Variants in SLCO1B1 observed in about 807,000 individuals in gnomAD.
SLCO1B1 encodes OATP-2.
A neutral mutation model predicts 70.1 loss-of-function variants in SLCO1B1; 81 were observed. The observed-to-expected ratio is 1.16, with a 90% CI of 0.97 to 1.39. SLCO1B1 has a LOEUF of 1.39. Among genes scored for constraint, SLCO1B1 ranks in the 40% most tolerant of loss-of-function variants. The pLI is 0.00. For synonymous variants in SLCO1B1, 283 were observed against 271.5 expected, an observed-to-expected ratio of 1.04 and a Z score of -0.42; for missense variants, 895 against 799.6, an observed-to-expected ratio of 1.12 and a Z score of -1.44.
At chr12:21,226,399 G>A (rs1941482612) in intron 14 of SLCO1B1, among the ~76,000 whole-genome samples, 1 of 151,188 alleles carries the variant, frequency 6.6e-6, no homozygotes, top group Non-Finnish European at 1.5e-5. Context: ...GGCTGACAGA[G>A]CGAGACTCTG....
At chr12:21,206,475 T>A (rs1224260107) in intron 11 of SLCO1B1, among the ~76,000 whole-genome samples, 1 of 151,926 alleles carries the variant, frequency 6.6e-6, no homozygotes, top group African/African-American at 2.4e-5. Context: ...ATATACAGAT[T>A]CTGATCTGTT....
Position 21,217,276 on chromosome 12 carries a change from G to A in SLCO1B1, c.1655G>A (p.Gly552Asp), listed in dbSNP as rs747091904. ...AATTTATTTTTCTCTGCACTTGGAG[G>A]CACCTCACATGTCATGCTGATTGTT... is the stretch of plus-strand genomic sequence containing the variant. ...VLNLFFSALG[G>D]TSHVMLIVKI... The change falls in exon 12 of 15, where the codon GGC becomes GAC. Residue 552 changes from glycine (G) to aspartate (D), a missense_variant. By Grantham distance (94) the Gly-to-Asp change is moderately conservative. Coordinates refer to ENST00000256958, the MANE Select transcript of SLCO1B1 (RefSeq NM_006446.5). 1.9e-6 allele frequency: 3 copies of A among 1,613,632 alleles called. No homozygotes were observed. Among genetic ancestry groups the A allele is most frequent in the Non-Finnish European group, 2.5e-6 (3 of 1,179,708 alleles).
intron 7 of SLCO1B1, among the ~76,000 whole-genome samples, chr12:21,180,635 C>T (rs1378481192): frequency 6.6e-6 from 1 of 152,142 alleles, no homozygotes; most frequent in Admixed American, 6.5e-5. Context: ...GGGCCAGCAA[C>T]AGCCAAAAAC....
At chr12:21,142,856 A>AG (rs1940330678) in intron 2 of SLCO1B1, among the ~76,000 whole-genome samples, 2 of 152,096 alleles carry the variant, frequency 1.3e-5, no homozygotes, top group African/African-American at 4.8e-5. Flanking sequence ...TTCCAGAGTG[A>AG]TCCCTTATAG....
chr12:21,136,875 G>A (rs564149389), intron 1 of SLCO1B1, among the ~76,000 whole-genome samples: 1 of 152,194 alleles, frequency 6.6e-6, no homozygotes. Flanking sequence ...TGCTGGTGAG[G>A]AGCTGCATTC....
At chr12:21,229,391 T>C (rs2121200677) in intron 14 of SLCO1B1, among the ~76,000 whole-genome samples, 1 of 152,322 alleles carries the variant, frequency 6.6e-6, no homozygotes, top group South Asian at 2.1e-4. Flanking sequence ...GCTCTGCCTA[T>C]TCATTCCTTC....
chr12:21,235,196 G>C (rs1941584567), intron 14 of SLCO1B1, among the ~76,000 whole-genome samples: 1 of 150,536 alleles, frequency 6.6e-6, no homozygotes, highest in East Asian at 2.0e-4. Context: ...GCTTAGGTCT[G>C]GTAGTATTTA....
At chr12:21,164,765 A>G (rs1940664219) in intron 2 of SLCO1B1, 1 of 461,928 alleles carries the variant, frequency 2.2e-6, no homozygotes, top group Non-Finnish European at 4.4e-6. Flanking sequence ...TCTATAATCA[A>G]CTGAAGACTT....
chr12:21,228,111 G>A lies in SLCO1B1; in HGVS notation c.1865+3272G>A, dbSNP rs528844431. Among the ~76,000 whole-genome samples, 389 of 151,950 alleles carry A rather than the reference G, an allele frequency of 2.6e-3. 1 individual carries two copies. Among genetic ancestry groups the A allele is most frequent in the African/African-American group, 8.7e-3 (362 of 41,486 alleles). On this transcript the variant is annotated intron_variant, in intron 14 of 14. Coordinates refer to ENST00000256958, the MANE Select transcript of SLCO1B1 (RefSeq NM_006446.5). ...CCAAGACTTTAAGATTTAAAGGGTC[G>A]GTCTTTGTACATCCCCACATATTTA...
intron 14 of SLCO1B1, among the ~76,000 whole-genome samples, chr12:21,232,421 C>T (rs7969160): frequency 1.3e-5 from 2 of 151,872 alleles, no homozygotes; most frequent in South Asian, 4.1e-4. Flanking sequence ...CAAGCTCCCA[C>T]GGACATAAAA....
intron 2 of SLCO1B1, among the ~76,000 whole-genome samples, chr12:21,142,066 C>CT (rs578052101): frequency 0.04 from 1,775 of 44,364 alleles, 13 homozygotes; most frequent in Non-Finnish European, 0.092. Flanking sequence ...TTTAAAAATT[C>CT]TTTTAAAAAA....
At chr12:21,191,638 T>C (rs1314041963) in intron 7 of SLCO1B1, among the ~76,000 whole-genome samples, 2 of 152,104 alleles carry the variant, frequency 1.3e-5, no homozygotes, top group Admixed American at 1.3e-4. Flanking sequence ...TTTTTCTTGG[T>C]TAATTGCTCT....
At chr12:21,219,847 C>T (rs371677357) in intron 12 of SLCO1B1, among the ~76,000 whole-genome samples, 3,119 of 151,594 alleles carry the variant, frequency 0.021, 102 homozygotes, top group African/African-American at 0.071. Flanking sequence ...TGCAACCCTC[C>T]GCCTCCCAGG....
chr12:21,179,486 G>A (rs1357314052), intron 7 of SLCO1B1, among the ~76,000 whole-genome samples: 1 of 152,156 alleles, frequency 6.6e-6, no homozygotes. Flanking sequence ...CAGAGGGCTT[G>A]GCGTATGGCA....
intron 1 of SLCO1B1, among the ~76,000 whole-genome samples, chr12:21,137,928 C>T (rs544886697): frequency 6.6e-6 from 1 of 152,312 alleles, no homozygotes; most frequent in African/African-American, 2.4e-5. Flanking sequence ...TTCTGTGTTG[C>T]TCATGCTGGG....
intron 12 of SLCO1B1, among the ~76,000 whole-genome samples, chr12:21,221,973 T>G (rs1941427898): frequency 6.6e-6 from 1 of 152,010 alleles, no homozygotes; most frequent in Non-Finnish European, 1.5e-5. Flanking sequence ...ATTATAACAC[T>G]GACTAGACCA....
At chr12:21,142,772 A>T (rs1347952366) in intron 2 of SLCO1B1, among the ~76,000 whole-genome samples, 1 of 152,104 alleles carries the variant, frequency 6.6e-6, no homozygotes, top group Non-Finnish European at 1.5e-5. Context: ...TTTATTTTTA[A>T]ATACTGAGTG....
At chr12:21,188,817 C>T (rs1309169139) in intron 7 of SLCO1B1, among the ~76,000 whole-genome samples, 1 of 152,164 alleles carries the variant, frequency 6.6e-6, no homozygotes, top group Non-Finnish European at 1.5e-5. Context: ...CTACTCTTTG[C>T]TTCTGTGAGT....
At chr12:21,233,047 A>C (rs907938864) in intron 14 of SLCO1B1, among the ~76,000 whole-genome samples, 1 of 152,150 alleles carries the variant, frequency 6.6e-6, no homozygotes, top group Admixed American at 6.5e-5. Context: ...CAAAATACAC[A>C]TAACAAAACA....
Sources: allele counts gnomAD v4.1 joint callset (sites outside exome capture counted in the v4.1 genomes callset), GRCh38; gene constraint gnomAD v4.1.1; transcripts MANE v1.5; gene names NCBI Gene and HGNC (gene_info 2026-07-23, HGNC 2026-07-21).